Variants in NWD2 observed in about 807,000 individuals in gnomAD.
The protein encoded by NWD2 is NACHT and WD repeat domain containing 2.
NWD2 carries 37 observed loss-of-function variants against 132.7 expected under a neutral mutation model. That is an observed-to-expected ratio of 0.28 (90% confidence interval 0.21 to 0.37). The LOEUF is 0.37. Ranked by LOEUF, NWD2 falls within the 10% of genes least tolerant of loss-of-function variation. The pLI is 1.00. For synonymous variants in NWD2, 705 were observed against 803.0 expected (o/e 0.88, Z 2.06); for missense variants, 1,592 against 2,122.4 (o/e 0.75, Z 4.91).
chr4:37,390,224 A>G (rs527735964), intron 3 of NWD2, among the ~76,000 whole-genome samples: 1 of 141,336 alleles, frequency 7.1e-6, no homozygotes, highest in African/African-American at 2.6e-5. Flanking sequence ...ATTTAAGTAT[A>G]TGTACATATA....
chr4:37,393,058 T>C (rs1328332887), intron 3 of NWD2, among the ~76,000 whole-genome samples: 1 of 152,044 alleles, frequency 6.6e-6, no homozygotes, highest in Non-Finnish European at 1.5e-5. Context: ...TTGGTTCCCT[T>C]CTCTGAATGC....
At chr4:37,404,186 G>C (rs538948105) in intron 3 of NWD2, among the ~76,000 whole-genome samples, 18 of 152,154 alleles carry the variant, frequency 1.2e-4, no homozygotes, top group Non-Finnish European at 1.9e-4. Context: ...TATACTTGCT[G>C]TGTGACCAAT....
intron 1 of NWD2, 129 bp downstream of exon 1, chr4:37,245,347 C>A: frequency 8.8e-7 from 1 of 1,131,736 alleles, no homozygotes; most frequent in Non-Finnish European, 1.2e-6. Flanking sequence ...GCCGTGGCCG[C>A]CCTGAGCGCG....
intron 3 of NWD2, among the ~76,000 whole-genome samples, chr4:37,375,511 C>T (rs1370897066): frequency 6.6e-6 from 1 of 151,288 alleles, no homozygotes; most frequent in African/African-American, 2.4e-5. Flanking sequence ...CCAAGGTTGC[C>T]AAGCAAGCAG....
intron 3 of NWD2, among the ~76,000 whole-genome samples, chr4:37,419,884 A>G (rs945123943): frequency 6.6e-6 from 1 of 152,214 alleles, no homozygotes; most frequent in Non-Finnish European, 1.5e-5. Flanking sequence ...TTTGCACACA[A>G]ATCTTTCTGC....
chr4:37,382,252 C>T (rs1052698983), intron 3 of NWD2, among the ~76,000 whole-genome samples: 1 of 152,176 alleles, frequency 6.6e-6, no homozygotes, highest in Non-Finnish European at 1.5e-5. Context: ...AGGAAAGTCC[C>T]GGTTTCCACC....
At chr4:37,398,180 A>T (rs989781267) in intron 3 of NWD2, among the ~76,000 whole-genome samples, 3 of 152,236 alleles carry the variant, frequency 2.0e-5, no homozygotes, top group East Asian at 3.8e-4. Flanking sequence ...AGGCCATTTT[A>T]CTAAGGCCCA....
At chr4:37,404,047 AATACCATTAC>A (rs1280267938) in intron 3 of NWD2, among the ~76,000 whole-genome samples, 3 of 152,128 alleles carry the variant, frequency 2.0e-5, no homozygotes, top group African/African-American at 7.2e-5. Context: ...TCATCCCTTA[AATACCATTAC>A]ATACCATTAC....
intron 3 of NWD2, among the ~76,000 whole-genome samples, chr4:37,364,571 T>A (rs1200390131): frequency 6.6e-6 from 1 of 151,670 alleles, no homozygotes; most frequent in Non-Finnish European, 1.5e-5. Context: ...ATTACACACA[T>A]ATATAAACAA....
At chr4:37,370,869 G>A (rs1720212191) in intron 3 of NWD2, among the ~76,000 whole-genome samples, 1 of 152,056 alleles carries the variant, frequency 6.6e-6, no homozygotes, top group Non-Finnish European at 1.5e-5. Context: ...CAAGCCTACA[G>A]ACTAAATTTG....
intron 5 of NWD2, 74 bp downstream of exon 5, chr4:37,434,094 C>A: frequency 2.2e-6 from 2 of 923,310 alleles, no homozygotes; most frequent in South Asian, 2.9e-5. Context: ...CCTTTAATGC[C>A]CTGCAAATTT....
intron 1 of NWD2, among the ~76,000 whole-genome samples, chr4:37,308,491 C>G (rs545980024): frequency 9.2e-5 from 14 of 152,066 alleles, no homozygotes; most frequent in Admixed American, 6.5e-4. Flanking sequence ...CTGGTCAGGG[C>G]GGCAGTCATT....
At chr4:37,268,262 G>T (rs1320434147) in intron 1 of NWD2, among the ~76,000 whole-genome samples, 1 of 151,912 alleles carries the variant, frequency 6.6e-6, no homozygotes, top group Non-Finnish European at 1.5e-5. Context: ...CTCCTGGAGA[G>T]TTATTCTCTT....
chr4:37,446,570 G>A lies in NWD2; in HGVS notation c.4582G>A (p.Glu1528Lys), dbSNP rs1560258402. 2 of 1,551,614 alleles carry A rather than the reference G, an allele frequency of 1.3e-6. No homozygotes were observed. Among genetic ancestry groups the A allele is most frequent in the Non-Finnish European group, 1.7e-6 (2 of 1,147,016 alleles). ...QLPNNFLKNL[E>K]DFEISPNGKL... is the part of the protein sequence containing the mutation. ...TCCAAACAACTTCTTGAAAAATCTG[G>A]AGGACTTTGAAATTTCTCCCAATGG... Residue 1528 changes from glutamate to lysine, a missense_variant, in exon 7 of 7, where the codon GAG becomes AAG. Coordinates refer to ENST00000309447, the MANE Select transcript of NWD2 (RefSeq NM_001144990.2). The surrounding 1 kb of genome is among the most constrained non-coding windows in gnomAD (Gnocchi z 6.7).
rs1339221433 is a variant in NWD2, at chr4:37,444,165, A to G, written c.2177A>G (p.Asn726Ser). The change falls in exon 7 of 7, where the codon AAT becomes AGT. Residue 726 changes from asparagine (N) to serine (S), a missense_variant. By Grantham distance (46) the Asn-to-Ser change is conservative (BLOSUM62 1). This residue lies in a region of NWD2 where 1,071 missense variants were observed against 1,398.0 expected (regional missense o/e 0.77). Coordinates refer to ENST00000309447, the MANE Select transcript of NWD2 (RefSeq NM_001144990.2). This position sits in a 1 kb window ranked among gnomAD's most constrained non-coding sequence, Gnocchi z 4.8. The stretch of plus-strand genomic sequence containing the variant: ...TACCTAATAGAAAGACATGTGAAAA[A>G]TGTCACACTCCTAGTCTGGGCCAAC... Reference protein sequence around the residue: ...SGYLIERHVKNVTLLVWANRH... With the variant: ...SGYLIERHVKSVTLLVWANRH... The G allele has an allele frequency of 1.9e-6, 3 of 1,551,586 alleles. No homozygotes were observed. Among genetic ancestry groups the G allele is most frequent in the Non-Finnish European group, 2.6e-6 (3 of 1,147,008 alleles).
At chr4:37,424,843 T>C (rs565007103) in intron 3 of NWD2, among the ~76,000 whole-genome samples, 2 of 152,330 alleles carry the variant, frequency 1.3e-5, no homozygotes, top group East Asian at 1.9e-4. Context: ...AGAATACTTA[T>C]TCCTCTGTTC....
intron 3 of NWD2, among the ~76,000 whole-genome samples, chr4:37,370,606 G>T (rs1164471047): frequency 2.0e-5 from 3 of 152,108 alleles, no homozygotes; most frequent in Admixed American, 2.0e-4. Flanking sequence ...AAATATGGAG[G>T]TGACCCTGAT....
intron 1 of NWD2, among the ~76,000 whole-genome samples, chr4:37,294,061 C>T (rs1718424598): frequency 6.6e-6 from 1 of 152,068 alleles, no homozygotes; most frequent in Non-Finnish European, 1.5e-5. Flanking sequence ...AGTCCCCACC[C>T]CCCTACTCCT....
At chr4:37,314,837 T>G (rs1415189180) in intron 1 of NWD2, among the ~76,000 whole-genome samples, 1 of 152,158 alleles carries the variant, frequency 6.6e-6, no homozygotes, top group Non-Finnish European at 1.5e-5. Flanking sequence ...AATTTTCTAG[T>G]TTCTTAAGGT....
Sources: allele counts gnomAD v4.1 joint callset (sites outside exome capture counted in the v4.1 genomes callset), GRCh38; gene constraint gnomAD v4.1.1; regional missense constraint gnomAD v4.1.1; non-coding constraint Gnocchi (gnomAD v3.1); transcripts MANE v1.5; gene names NCBI Gene and HGNC (gene_info 2026-07-23, HGNC 2026-07-21).